CNPY1: variants seen among roughly 807,000 people sequenced by gnomAD.
CNPY1 encodes canopy FGF signaling regulator 1, also known as protein canopy homolog 1.
In CNPY1, 14 loss-of-function variants were observed where a neutral mutation model predicts 14.4. The observed-to-expected ratio is 0.97, with a 90% confidence interval of 0.64 to 1.52. The LOEUF (loss-of-function observed/expected upper bound fraction) is 1.52, where lower values mean the gene tolerates loss of function less well. Ranked by LOEUF, CNPY1 falls within the 40% of genes most tolerant of loss-of-function variation. The pLI is 0.00. For missense variants in CNPY1, 129 were observed against 131.5 expected (o/e 0.98, Z 0.09); for synonymous variants, 43 against 46.5 (o/e 0.92, Z 0.31).
intron 2 of CNPY1, among the ~76,000 whole-genome samples, chr7:155,520,554 C>T (rs919220981): frequency 6.0e-5 from 9 of 150,472 alleles, no homozygotes; most frequent in Non-Finnish European, 1.3e-4. Flanking sequence ...TCTCATGCCT[C>T]AGCCTCCCGA....
intron 2 of CNPY1, among the ~76,000 whole-genome samples, chr7:155,515,007 A>G (rs1379318115): frequency 6.6e-6 from 1 of 152,240 alleles, no homozygotes; most frequent in African/African-American, 2.4e-5. Context: ...TTCATCTCAC[A>G]GATGAGAAAG....
At chr7:155,542,926 C>T (rs1207943670) in intron 2 of CNPY1, among the ~76,000 whole-genome samples, 1 of 152,122 alleles carries the variant, frequency 6.6e-6, no homozygotes, top group Admixed American at 6.5e-5. Context: ...GAGAGAATAG[C>T]CCGGTATGGA....
chr7:155,542,045 G>A (rs994632765), intron 2 of CNPY1, among the ~76,000 whole-genome samples: 17 of 151,942 alleles, frequency 1.1e-4, no homozygotes, highest in African/African-American at 1.9e-4. Context: ...GGGCAGGGTC[G>A]GGGGGGCAGA....
intron 4 of CNPY1, 102 bp downstream of exon 4, chr7:155,506,918 C>G (rs944914003): frequency 1.4e-6 from 1 of 691,236 alleles, no homozygotes; most frequent in Admixed American, 2.2e-5. Flanking sequence ...AGCCGTGGAT[C>G]GCAGAGGCAG....
chr7:155,524,368 G>T (rs940445190), intron 2 of CNPY1, among the ~76,000 whole-genome samples: 2 of 152,234 alleles, frequency 1.3e-5, no homozygotes, highest in African/African-American at 4.8e-5. Context: ...GTACCAGTCT[G>T]CAGGCTGTCA....
intron 2 of CNPY1, among the ~76,000 whole-genome samples, chr7:155,526,569 G>A (rs1438783576): frequency 2.6e-5 from 4 of 152,066 alleles, no homozygotes; most frequent in African/African-American, 9.7e-5. Flanking sequence ...CTGGGCAAAG[G>A]CTACAAATAC....
Position 155,537,160 on chromosome 7 carries a change from C to T in CNPY1, c.99+8671G>A, listed in dbSNP as rs1403832860. 5.3e-5 allele frequency among the ~76,000 whole-genome samples: 8 copies of T among 152,252 alleles called. No homozygotes were observed. The South Asian group carries it at 6.2e-4, about 12-fold the overall frequency. On this transcript the variant is annotated intron_variant, in intron 2 of 4. Transcript: ENST00000636446. ...CTAGATGGTTGAGAGATGAGACCCA[C>T]GTGTCTCAGAAGAGCAGGTCCTTGG...
chr7:155,523,509 G>A (rs1367920518), intron 2 of CNPY1, among the ~76,000 whole-genome samples: 4 of 152,218 alleles, frequency 2.6e-5, no homozygotes, highest in African/African-American at 9.7e-5. Flanking sequence ...GGGAGCTGAT[G>A]CTCACCCTGC....
chr7:155,533,295 A>G (rs1014118178), intron 2 of CNPY1, among the ~76,000 whole-genome samples: 2 of 152,198 alleles, frequency 1.3e-5, no homozygotes, highest in Non-Finnish European at 1.5e-5. Context: ...CACCTGGCAG[A>G]TAAGTGAGTC....
chr7:155,519,632 G>A (rs923070832), intron 2 of CNPY1, among the ~76,000 whole-genome samples: 3 of 146,788 alleles, frequency 2.0e-5, no homozygotes, highest in Non-Finnish European at 4.4e-5. Flanking sequence ...CCTGTTATTG[G>A]TGGCAAAAAA....
chr7:155,528,304 G>A (rs73163394), intron 2 of CNPY1, among the ~76,000 whole-genome samples: 5,623 of 152,316 alleles, frequency 0.037, 161 homozygotes, highest in Non-Finnish European at 0.059. Flanking sequence ...CTTTAAATTG[G>A]TCTTCTCGGC....
chr7:155,527,054 C>CTTTCTTTCTTTTTTTTTTTTTT (rs56296833), intron 2 of CNPY1, among the ~76,000 whole-genome samples: 2 of 90,344 alleles, frequency 2.2e-5, no homozygotes, highest in African/African-American at 5.1e-5. Flanking sequence ...TTCTTTCTTT[C>CTTTCTTTCTTTTTTTTTTTTTT]TTTTTTTTTT....
At chr7:155,526,196 A>T (rs1585321878) in intron 2 of CNPY1, among the ~76,000 whole-genome samples, 3 of 152,326 alleles carry the variant, frequency 2.0e-5, no homozygotes, top group African/African-American at 4.8e-5. Flanking sequence ...TTTGTAAAAA[A>T]GTGACACAGT....
intron 2 of CNPY1, among the ~76,000 whole-genome samples, chr7:155,537,338 C>T (rs1321739852): frequency 6.6e-6 from 1 of 152,160 alleles, no homozygotes; most frequent in African/African-American, 2.4e-5. Flanking sequence ...TGAGGCTGCT[C>T]CAGGGCCAGT....
chr7:155,508,804 T>C, intron 3 of CNPY1, 90 bp downstream of exon 3: 10 of 1,387,048 alleles, frequency 7.2e-6, no homozygotes, highest in Non-Finnish European at 1.0e-5. Context: ...GTCTTGAAAC[T>C]CAACCACAAC....
intron 2 of CNPY1, among the ~76,000 whole-genome samples, chr7:155,538,336 G>A (rs555865381): frequency 6.6e-6 from 1 of 152,320 alleles, no homozygotes; most frequent in Admixed American, 6.5e-5. Flanking sequence ...GAAAATGCAA[G>A]TAAGTACTAG....
chr7:155,546,411 C>T lies in CNPY1; in HGVS notation c.-15+18G>A. 2.5e-6 allele frequency: 1 copy of T among 397,784 alleles called. No individual in the cohort carries two copies. Among genetic ancestry groups the T allele is most frequent in the Non-Finnish European group, 4.4e-6 (1 of 225,950 alleles). The allele number at this position is 397,784 out of a possible 1,614,324, so 24.6% of individuals were successfully genotyped here. The stretch of plus-strand genomic sequence containing the variant: ...CTATGTTGCCCAGGTAGGTCTTGAA[C>T]TCAAGCCATCCTCCTACCTTGGCCT... On this transcript the variant is annotated intron_variant, in intron 1 of 4. Coordinates refer to ENST00000636446, the MANE Select transcript of CNPY1 (RefSeq NM_001393663.1).
rs1183942417 is a variant in CNPY1, at chr7:155,502,944, C to A, written c.*124G>T. On this transcript the variant is annotated 3_prime_UTR_variant, in exon 5 of 5. Coordinates refer to ENST00000636446, the MANE Select transcript of CNPY1 (RefSeq NM_001393663.1). Reference sequence around the variant, plus strand: ...TTTCAAAATGAATCATAAACGGAGACAAACACGGTATAAACAAGAGACAAA... The same window carrying A: ...TTTCAAAATGAATCATAAACGGAGAAAAACACGGTATAAACAAGAGACAAA... The A allele has an allele frequency of 1.3e-5, 10 of 781,432 alleles. No homozygotes were observed. Among genetic ancestry groups the A allele is most frequent in the Non-Finnish European group, 2.1e-5 (10 of 487,756 alleles). The allele number at this position is 781,432 out of a possible 1,614,324, so 48.4% of individuals were successfully genotyped here. A position where few individuals can be genotyped will look rare whatever the true frequency, so the allele number is the denominator to read the frequency against.
intron 2 of CNPY1, among the ~76,000 whole-genome samples, chr7:155,544,881 G>A (rs985462245): frequency 2.6e-5 from 4 of 152,204 alleles, no homozygotes; most frequent in Non-Finnish European, 5.9e-5. Context: ...GTACTGACCT[G>A]TGGATGGAAA....
Sources: gnomAD v4.1 joint callset for allele counts (sites outside exome capture counted in the v4.1 genomes callset) on GRCh38, gnomAD v4.1.1 for gene constraint, MANE v1.5 for transcripts, NCBI Gene and HGNC (gene_info 2026-07-23, HGNC 2026-07-21) for gene names.